COMMD1: variants seen among roughly 807,000 people sequenced by gnomAD.
The protein encoded by COMMD1 is copper metabolism domain containing 1, also known as COMM domain-containing protein 1.
Under a neutral mutation model 17.2 loss-of-function variants are expected in COMMD1, and 10 were observed. The ratio of observed to expected loss-of-function variants is 0.58; its 90% CI spans 0.36 to 0.99. The LOEUF (loss-of-function observed/expected upper bound fraction) is 0.99, where lower values mean the gene tolerates loss of function less well. Among genes scored for constraint, COMMD1 ranks in the 50% least tolerant of loss-of-function variants. COMMD1 has a pLI of 0.01. For missense variants in COMMD1, 270 were observed against 231.8 expected, an observed-to-expected ratio of 1.17 and a Z score of -1.07; for synonymous variants, 97 against 91.6, an observed-to-expected ratio of 1.06 and a Z score of -0.34.
At position 62,000,841 on chromosome 2, in the gene COMMD1, G is replaced by C. The variant is rs1558556248; in HGVS notation, c.321G>C (p.Glu107Asp). 1.9e-6 allele frequency: 3 copies of C among 1,614,048 alleles called. No homozygotes were observed. The highest frequency in any genetic ancestry group is 2.2e-5 in the East Asian group (1 of 44,898). Reference protein sequence around the residue: ...FWKSHKTKIRESLMNQSRWNS... With the variant: ...FWKSHKTKIRDSLMNQSRWNS... Reference sequence around the variant, plus strand: ...AGAGCCACAAGACAAAAATCCGTGAGAGCCTCATGAACCAGAGCCGCTGGA... The same window carrying C: ...AGAGCCACAAGACAAAAATCCGTGACAGCCTCATGAACCAGAGCCGCTGGA... Residue 107 changes from glutamate (E) to aspartate (D), a missense_variant, in exon 2 of 3, where the codon GAG becomes GAC. Glu to Asp is a conservative substitution (Grantham distance 45). Coordinates refer to ENST00000311832, the MANE Select transcript of COMMD1 (RefSeq NM_152516.4).
chr2:62,036,756 G>A (rs1004472639), intron 2 of COMMD1, among the ~76,000 whole-genome samples: 2 of 152,004 alleles, frequency 1.3e-5, no homozygotes, highest in African/African-American at 2.4e-5. Context: ...CTTCCACCTT[G>A]GTTTTATTCT....
At chr2:61,906,141 C>A (rs1429363517) in intron 1 of COMMD1, among the ~76,000 whole-genome samples, 1 of 152,194 alleles carries the variant, frequency 6.6e-6, no homozygotes, top group African/African-American at 2.4e-5. Flanking sequence ...TGGTAACAGT[C>A]GCGTTTCCTC....
At chr2:62,012,730 A>G (rs80134229) in intron 2 of COMMD1, among the ~76,000 whole-genome samples, 4,336 of 152,316 alleles carry the variant, frequency 0.028, 93 homozygotes, top group East Asian at 0.091. Flanking sequence ...AGTAGCAAGA[A>G]GTAAATTGGC....
intron 2 of COMMD1, among the ~76,000 whole-genome samples, chr2:62,076,357 A>G (rs1332871785): frequency 1.3e-5 from 2 of 152,230 alleles, no homozygotes; most frequent in Non-Finnish European, 2.9e-5. Context: ...TTGGCATCTG[A>G]GAGGGATGCA....
At chr2:61,893,778 C>T (rs1669493410) in intron 1 of COMMD1, among the ~76,000 whole-genome samples, 1 of 150,744 alleles carries the variant, frequency 6.6e-6, no homozygotes, top group Admixed American at 6.6e-5. Flanking sequence ...CACACCATTG[C>T]ACTCCAGCTT....
chr2:62,006,929 G>A (rs1298576899), intron 2 of COMMD1, among the ~76,000 whole-genome samples: 1 of 151,934 alleles, frequency 6.6e-6, no homozygotes, highest in Non-Finnish European at 1.5e-5. Flanking sequence ...CTTGAATTTG[G>A]GTATTTTATA....
At chr2:61,967,301 A>G (rs970231339) in intron 1 of COMMD1, among the ~76,000 whole-genome samples, 4 of 152,164 alleles carry the variant, frequency 2.6e-5, no homozygotes, top group African/African-American at 9.7e-5. Context: ...AAAACATACA[A>G]TCCGATTATT....
At chr2:61,918,442 C>T (rs1670103734) in intron 1 of COMMD1, 1 of 152,142 alleles carries the variant, frequency 6.6e-6, no homozygotes, top group Non-Finnish European at 1.5e-5. Flanking sequence ...GATTACCCAC[C>T]TGGGATTTGT....
intron 2 of COMMD1, among the ~76,000 whole-genome samples, chr2:62,134,846 C>T (rs114841052): frequency 0.025 from 3,752 of 152,168 alleles, 148 homozygotes; most frequent in African/African-American, 0.087. Context: ...TTGAAGGGAA[C>T]GTATTTAAGG....
At chr2:61,991,035 G>A (rs1672239449) in intron 1 of COMMD1, among the ~76,000 whole-genome samples, 2 of 151,806 alleles carry the variant, frequency 1.3e-5, no homozygotes, top group African/African-American at 4.8e-5. Context: ...AGGCTGTAGT[G>A]AGCCGTGATT....
At chr2:62,006,061 T>C (rs1429135406) in intron 2 of COMMD1, among the ~76,000 whole-genome samples, 1 of 151,264 alleles carries the variant, frequency 6.6e-6, no homozygotes, top group African/African-American at 2.4e-5. Flanking sequence ...TGGATGAAAT[T>C]GGAAATCATC....
intron 2 of COMMD1, among the ~76,000 whole-genome samples, chr2:62,042,635 C>T (rs1573107423): frequency 6.6e-6 from 1 of 152,186 alleles, no homozygotes; most frequent in African/African-American, 2.4e-5. Context: ...CAGGGGGAGC[C>T]GGCTCTGGCC....
At chr2:62,113,929 T>A (rs902993026) in intron 2 of COMMD1, among the ~76,000 whole-genome samples, 1 of 152,230 alleles carries the variant, frequency 6.6e-6, no homozygotes, top group Non-Finnish European at 1.5e-5. Flanking sequence ...AATTTTCTTT[T>A]CTCTTTTCAG....
intron 2 of COMMD1, chr2:62,069,923 A>G (rs373403520): frequency 6.6e-5 from 10 of 152,350 alleles, no homozygotes; most frequent in African/African-American, 2.4e-4. Context: ...TAATAGCAGT[A>G]AATCTTCAAC....
At chr2:62,109,264 A>G (rs1672392260) in intron 2 of COMMD1, among the ~76,000 whole-genome samples, 1 of 152,230 alleles carries the variant, frequency 6.6e-6, no homozygotes, top group Admixed American at 6.5e-5. Flanking sequence ...GGCAATCACT[A>G]AAAAGCATTC....
chr2:61,986,514 T>C (rs1444424513), intron 1 of COMMD1, among the ~76,000 whole-genome samples: 3 of 151,338 alleles, frequency 2.0e-5, no homozygotes, highest in Non-Finnish European at 4.4e-5. Flanking sequence ...CAATAACTCT[T>C]AGAGAAGCCC....
chr2:62,011,491 A>C (rs1377260083), intron 2 of COMMD1, among the ~76,000 whole-genome samples: 1 of 152,190 alleles, frequency 6.6e-6, no homozygotes, highest in Non-Finnish European at 1.5e-5. Context: ...TTAGCATTTA[A>C]GAGGACAAAG....
At chr2:62,082,494 CAGCGACGTTGGA>C (rs1453301331) in intron 2 of COMMD1, among the ~76,000 whole-genome samples, 1 of 152,160 alleles carries the variant, frequency 6.6e-6, no homozygotes, top group Non-Finnish European at 1.5e-5. Flanking sequence ...CTAGCTCTCC[CAGCGACGTTGGA>C]AGCTTTCATT....
chr2:62,063,868 AATATATATAT>A lies in COMMD1; in HGVS notation c.462+62907_462+62916del, dbSNP rs55740628. ...CAACATAGTGACACTGTCTCTACAA[AATATATATAT>A]ATATATATATATATATATATTAGCC... On this transcript the variant is annotated intron_variant, in intron 2 of 2. Coordinates refer to ENST00000311832, the MANE Select transcript of COMMD1 (RefSeq NM_152516.4). Among the ~76,000 whole-genome samples, 150 of 81,172 alleles carry A rather than the reference AATATATATAT, an allele frequency of 1.8e-3. 8 individuals carry two copies. The highest frequency in any genetic ancestry group is 6.4e-3 in the African/African-American group (132 of 20,468). 53.3% of individuals were successfully genotyped at this position (81,172 alleles called of 152,430 possible). A position where few individuals can be genotyped will look rare whatever the true frequency, so the allele number is the denominator to read the frequency against.
Sources: gnomAD v4.1 joint callset for allele counts (sites outside exome capture counted in the v4.1 genomes callset) on GRCh38, gnomAD v4.1.1 for gene constraint, MANE v1.5 for transcripts, NCBI Gene and HGNC (gene_info 2026-07-23, HGNC 2026-07-21) for gene names.